Variants in HSF2BP observed in about 807,000 individuals in gnomAD.
HSF2BP encodes the protein heat shock factor 2-binding protein.
Under a neutral mutation model 35.0 loss-of-function variants are expected in HSF2BP, and 35 were observed. The ratio of observed to expected loss-of-function variants is 1.00; its 90% CI spans 0.76 to 1.32. The LOEUF is 1.32. Ranked by LOEUF, HSF2BP falls within the 40% of genes most tolerant of loss-of-function variation. The probability of loss-of-function intolerance (pLI) is 0.00; values close to 1 mark genes in which losing one functional copy is unlikely to be tolerated. For synonymous variants in HSF2BP, 114 were observed against 117.4 expected (o/e 0.97, Z 0.18); for missense variants, 326 against 321.7 (o/e 1.01, Z -0.10).
rs371705965 is a variant in HSF2BP at position 43,585,559 on chromosome 21, C to T, written c.796+6666G>A. ...TACTGGGAGGCTGAGACAGGGGAATCGCTTGAACCCAGGAGGCAGAGGGTT... is the reference window on the plus strand; with the variant it reads ...TACTGGGAGGCTGAGACAGGGGAATTGCTTGAACCCAGGAGGCAGAGGGTT... On this transcript the variant is annotated intron_variant, in intron 8 of 8. Transcript: ENST00000291560. Among the ~76,000 whole-genome samples, 93 of 151,776 alleles carry T rather than the reference C, an allele frequency of 6.1e-4. 1 individual carries two copies. The highest frequency in any genetic ancestry group is 2.1e-3 in the African/African-American group (85 of 41,348).
chr21:43,589,774 A>T (rs1229468858), intron 8 of HSF2BP, among the ~76,000 whole-genome samples: 1 of 152,216 alleles, frequency 6.6e-6, no homozygotes. Flanking sequence ...TCTTCAAAAC[A>T]AATGGTACTG....
intron 4 of HSF2BP, among the ~76,000 whole-genome samples, chr21:43,642,320 C>T (rs2082647913): frequency 6.6e-6 from 1 of 152,096 alleles, no homozygotes; most frequent in Non-Finnish European, 1.5e-5. Context: ...TATTATTGCA[C>T]CACTGCACTC....
chr21:43,637,059 C>T (rs2082572056), intron 4 of HSF2BP, among the ~76,000 whole-genome samples: 1 of 151,912 alleles, frequency 6.6e-6, no homozygotes, highest in African/African-American at 2.4e-5. Context: ...AAGGCCAAGG[C>T]GGGCAGATCA....
chr21:43,650,270 G>A (rs922709723), intron 3 of HSF2BP, among the ~76,000 whole-genome samples: 7 of 151,910 alleles, frequency 4.6e-5, no homozygotes, highest in Admixed American at 6.5e-5. Context: ...GCAGTGGTGC[G>A]ATCTCGGCTC....
In HSF2BP at chr21:43,589,396, T is replaced by C. The variant is rs921519450; in HGVS notation, c.796+2829A>G. On this transcript the variant is annotated intron_variant, in intron 8 of 8. Coordinates refer to ENST00000291560, the MANE Select transcript of HSF2BP (RefSeq NM_007031.2). ...GAAGACATATACTTGTGTTCATGGA[T>C]TGTAAGTCTCAATATTGCTAAAGTG... Among the ~76,000 whole-genome samples, 6 of 152,192 alleles carry C rather than the reference T, an allele frequency of 3.9e-5. No homozygotes were observed. In the South Asian group the frequency reaches 6.2e-4, roughly 16 times the overall value.
chr21:43,599,125 T>C (rs1601643068), intron 7 of HSF2BP, among the ~76,000 whole-genome samples: 1 of 152,242 alleles, frequency 6.6e-6, no homozygotes, highest in Non-Finnish European at 1.5e-5. Context: ...CCAGTTGAAA[T>C]TCTTTGCTGA....
intron 4 of HSF2BP, among the ~76,000 whole-genome samples, chr21:43,639,196 C>A (rs1442807155): frequency 6.6e-6 from 1 of 151,958 alleles, no homozygotes; most frequent in Non-Finnish European, 1.5e-5. Context: ...ACTATAAAAC[C>A]ATTAAGAAAA....
intron 8 of HSF2BP, among the ~76,000 whole-genome samples, chr21:43,587,295 G>A (rs1225477061): frequency 6.6e-6 from 1 of 152,188 alleles, no homozygotes; most frequent in African/African-American, 2.4e-5. Flanking sequence ...AAAGTAAGAT[G>A]ACCTTGCAAT....
chr21:43,635,354 A>G (rs1184964625), intron 4 of HSF2BP, among the ~76,000 whole-genome samples: 1 of 152,236 alleles, frequency 6.6e-6, no homozygotes, highest in Non-Finnish European at 1.5e-5. Flanking sequence ...TGGAAATTCA[A>G]GACAGAATAT....
At chr21:43,575,240 G>A (rs1263565699) in intron 8 of HSF2BP, among the ~76,000 whole-genome samples, 4 of 152,220 alleles carry the variant, frequency 2.6e-5, no homozygotes, top group Non-Finnish European at 5.9e-5. Context: ...AAAACACGAC[G>A]CTCCACTGGG....
chr21:43,637,110 G>T (rs931848462), intron 4 of HSF2BP, among the ~76,000 whole-genome samples: 1 of 151,826 alleles, frequency 6.6e-6, no homozygotes, highest in Non-Finnish European at 1.5e-5. Flanking sequence ...CCAACATGGC[G>T]AAACCCTGCA....
At chr21:43,578,632 T>C (rs2146692463) in intron 8 of HSF2BP, among the ~76,000 whole-genome samples, 1 of 152,230 alleles carries the variant, frequency 6.6e-6, no homozygotes, top group East Asian at 1.9e-4. Flanking sequence ...TGGATGGCTC[T>C]GTGTTGCACA....
chr21:43,653,012 G>C, intron 3 of HSF2BP, among the ~76,000 whole-genome samples: 1 of 152,044 alleles, frequency 6.6e-6, no homozygotes, highest in East Asian at 1.9e-4. Context: ...GCACACACCT[G>C]TAATCCCAGC....
chr21:43,650,220 T>G (rs1448597038), intron 3 of HSF2BP, among the ~76,000 whole-genome samples: 1 of 152,200 alleles, frequency 6.6e-6, no homozygotes, highest in African/African-American at 2.4e-5. Flanking sequence ...TATAATTTTT[T>G]TTTTGAGACA....
chr21:43,577,229 T>G (rs150023631), intron 8 of HSF2BP, among the ~76,000 whole-genome samples: 1 of 152,226 alleles, frequency 6.6e-6, no homozygotes, highest in Admixed American at 6.5e-5. Context: ...TGGCAGGATA[T>G]GTTTTTAAGA....
At chr21:43,654,796 T>C (rs2082843189) in intron 3 of HSF2BP, among the ~76,000 whole-genome samples, 1 of 152,172 alleles carries the variant, frequency 6.6e-6, no homozygotes, top group African/African-American at 2.4e-5. Context: ...ACTGAAGCTG[T>C]GAGTGTGCAT....
intron 8 of HSF2BP, among the ~76,000 whole-genome samples, chr21:43,590,564 C>T (rs1293524332): frequency 6.6e-6 from 1 of 152,174 alleles, no homozygotes; most frequent in African/African-American, 2.4e-5. Flanking sequence ...TAGTCAAAAG[C>T]TGGAGACAAC....
chr21:43,578,593 G>C (rs779650604), intron 8 of HSF2BP, among the ~76,000 whole-genome samples: 1 of 152,182 alleles, frequency 6.6e-6, no homozygotes, highest in East Asian at 1.9e-4. Context: ...CGACGAGCTC[G>C]GCACTGTACC....
At chr21:43,655,551 G>A (rs897674934) in intron 3 of HSF2BP, among the ~76,000 whole-genome samples, 1 of 152,214 alleles carries the variant, frequency 6.6e-6, no homozygotes, top group Non-Finnish European at 1.5e-5. Flanking sequence ...AGGAGTCTCT[G>A]TTGTGGAGGG....
Sources: gnomAD v4.1 joint callset for allele counts (sites outside exome capture counted in the v4.1 genomes callset) on GRCh38, gnomAD v4.1.1 for gene constraint, MANE v1.5 for transcripts, NCBI Gene and HGNC (gene_info 2026-07-23, HGNC 2026-07-21) for gene names.